The following PNKD variants were observed in gnomAD, a reference collection of about 807,000 sequenced individuals.
PNKD encodes the protein PNKD metallo-beta-lactamase domain containing.
A neutral mutation model predicts 45.3 loss-of-function variants in PNKD; 36 were observed. The observed-to-expected ratio is 0.80, with a 90% confidence interval of 0.61 to 1.05. PNKD has a LOEUF of 1.05. PNKD is among the 50% of genes least tolerant of loss of function. The pLI is 0.00. For synonymous variants in PNKD, 197 were observed against 210.1 expected (o/e 0.94, Z 0.54); for missense variants, 511 against 506.6 (o/e 1.01, Z -0.08).
rs397972881 is a variant in PNKD, at chr2:218,316,268, C to CTTTTTT, written c.237-23501_237-23496dup. ...CAAGGGAAGATTTTTTTCTTTCTTT[C>CTTTTTT]TTTTTTTTTTTTTTTTTTTGAGACA... is the stretch of plus-strand genomic sequence containing the variant. On this transcript the variant is annotated intron_variant, in intron 2 of 9. Coordinates refer to ENST00000273077, the MANE Select transcript of PNKD (RefSeq NM_015488.5). 1.1e-3 allele frequency among the ~76,000 whole-genome samples: 126 copies of CTTTTTT among 119,564 alleles called. 1 individual carries two copies. Among genetic ancestry groups the CTTTTTT allele is most frequent in the African/African-American group, 2.5e-3 (77 of 30,848 alleles). 78.4% of individuals were successfully genotyped at this position (119,564 alleles called of 152,430 possible).
At chr2:218,322,272 T>C (rs555574140) in intron 2 of PNKD, among the ~76,000 whole-genome samples, 94 of 152,332 alleles carry the variant, frequency 6.2e-4, no homozygotes, top group South Asian at 1.9e-3. Context: ...GGGCCAGAGC[T>C]AGGGCTGGAG....
At position 218,271,527 on chromosome 2, in the gene PNKD, A is replaced by G; in HGVS notation, c.214A>G (p.Met72Val). 6.2e-7 allele frequency: 1 copy of G among 1,614,176 alleles called. No individual in the cohort carries two copies. The highest frequency in any genetic ancestry group is 1.7e-5 in the Admixed American group (1 of 60,024). ...YIPRKRGKNP[M>V]KAVGLAWYSL... The stretch of plus-strand genomic sequence containing the variant: ...TCCCAGAAAGAGGGGCAAGAACCCC[A>G]TGAAAGCTGTGGGACTGGCCTGGTG... The change falls in exon 2 of 10, where the codon ATG (methionine) becomes GTG (valine). Residue 72 changes from methionine to valine, a missense_variant. By Grantham distance (21) the Met-to-Val change is conservative. Coordinates refer to ENST00000273077, the MANE Select transcript of PNKD (RefSeq NM_015488.5).
At chr2:218,273,048 A>G (rs193113673) in intron 2 of PNKD, 36 of 849,094 alleles carry the variant, frequency 4.2e-5, no homozygotes, top group Middle Eastern at 8.5e-4. Flanking sequence ...TCCCAGCTGG[A>G]TGGTGGGGCA....
chr2:218,273,926 CTTT>C (rs1690976154), intron 2 of PNKD, among the ~76,000 whole-genome samples: 1 of 152,178 alleles, frequency 6.6e-6, no homozygotes, highest in Non-Finnish European at 1.5e-5. Context: ...CTCTCATGAG[CTTT>C]TGGAAAGGGT....
intron 2 of PNKD, among the ~76,000 whole-genome samples, chr2:218,292,913 C>A (rs538559819): frequency 4.2e-4 from 64 of 152,226 alleles, no homozygotes; most frequent in African/African-American, 1.4e-3. Flanking sequence ...GAACATTTTT[C>A]TTCTCACTAA....
At chr2:218,307,707 G>T (rs530028976) in intron 2 of PNKD, among the ~76,000 whole-genome samples, 1 of 152,252 alleles carries the variant, frequency 6.6e-6, no homozygotes, top group Admixed American at 6.5e-5. Flanking sequence ...TCCAAGGGAG[G>T]CTCTTGTGGA....
At chr2:218,325,198 C>CTTTTTTTTTTTTTTTTTTTT (rs746439948) in intron 2 of PNKD, among the ~76,000 whole-genome samples, 7 of 39,764 alleles carry the variant, frequency 1.8e-4, no homozygotes, top group African/African-American at 7.3e-4. Flanking sequence ...CGCACCCGGC[C>CTTTTTTTTTTTTTTTTTTTT]TTTTTTTTTT....
Position 218,340,051 on chromosome 2 carries a change from T to C in PNKD, c.375T>C (p.Pro125=), listed in dbSNP as rs940846331. 9 of 1,613,058 alleles carry C rather than the reference T, an allele frequency of 5.6e-6. No individual in the cohort carries two copies. Among genetic ancestry groups the C allele is most frequent in the African/African-American group, 2.7e-5 (2 of 75,020 alleles). The part of the protein sequence containing the change: ...LFNGVKVLPI[P]VLSDNYSYLI... ...CAGGAGTGAAGGTGCTTCCCATCCCTGTCCTCTCGGACAACTACAGCTACC... is the reference window on the plus strand; with the variant it reads ...CAGGAGTGAAGGTGCTTCCCATCCCCGTCCTCTCGGACAACTACAGCTACC... The change falls in exon 4 of 10, where the codon CCT becomes CCC. Residue 125 remains proline (P), a synonymous_variant. Coordinates refer to ENST00000273077, the MANE Select transcript of PNKD (RefSeq NM_015488.5). This position sits in a 1 kb window ranked among gnomAD's most constrained non-coding sequence, Gnocchi z 4.2.
intron 7 of PNKD, 25 bp downstream of exon 7, chr2:218,342,169 A>ATT (rs1694699888): frequency 6.2e-7 from 1 of 1,604,856 alleles, no homozygotes; most frequent in African/African-American, 1.3e-5. Context: ...AAGAGAGAGG[A>ATT]GCTGGGAGAG....
intron 2 of PNKD, among the ~76,000 whole-genome samples, chr2:218,322,711 C>T (rs1478795324): frequency 6.6e-6 from 1 of 152,226 alleles, no homozygotes; most frequent in Non-Finnish European, 1.5e-5. Context: ...TGTTTGCTCG[C>T]TTATTTGGTT....
At chr2:218,278,020 G>A in intron 2 of PNKD, 1 of 1,607,098 alleles carries the variant, frequency 6.2e-7, no homozygotes, top group East Asian at 2.2e-5. Flanking sequence ...GGGCCCCTCA[G>A]GCGTCAGAGG....
chr2:218,323,294 G>A (rs766115175), intron 2 of PNKD: 7 of 1,552,572 alleles, frequency 4.5e-6, no homozygotes, highest in South Asian at 2.4e-5. Context: ...GGCCCGCGGC[G>A]TGGCAGTGGG....
intron 7 of PNKD, among the ~76,000 whole-genome samples, chr2:218,343,237 T>C (rs991885172): frequency 1.3e-5 from 2 of 152,220 alleles, no homozygotes; most frequent in African/African-American, 4.8e-5. Context: ...GCCTGGGGCC[T>C]GCAGCCCGAA....
At chr2:218,276,221 G>A (rs931590781) in intron 2 of PNKD, 2 of 838,150 alleles carry the variant, frequency 2.4e-6, no homozygotes, top group Non-Finnish European at 3.8e-6. Context: ...TGCCTTTCCA[G>A]ATCTTGGAGG....
chr2:218,325,680 T>G (rs1694131139), intron 2 of PNKD, among the ~76,000 whole-genome samples: 1 of 152,194 alleles, frequency 6.6e-6, no homozygotes, highest in South Asian at 2.1e-4. Context: ...GGAACTGGAA[T>G]CAGAATTCCT....
At chr2:218,304,678 C>T (rs1693362970) in intron 2 of PNKD, among the ~76,000 whole-genome samples, 1 of 152,230 alleles carries the variant, frequency 6.6e-6, no homozygotes, top group African/African-American at 2.4e-5. Context: ...GTGGAAAGAG[C>T]ATGGAATTGG....
Position 218,344,467 on chromosome 2 carries a change from C to G in PNKD, c.881C>G (p.Ala294Gly). The change falls in exon 9 of 10, where the codon GCA becomes GGA. Residue 294 changes from alanine to glycine, a missense_variant. Physicochemically the swap from Ala to Gly is moderately conservative, Grantham distance 60. Transcript: ENST00000273077. Reference sequence around the variant, plus strand: ...TGGCTGTCGGTAGGTCATGAGTATGCAGAGGAGAACCTGGGCTTTGCAGGT... The same window carrying G: ...TGGCTGTCGGTAGGTCATGAGTATGGAGAGGAGAACCTGGGCTTTGCAGGT... Reference protein sequence around the residue: ...DTLLWPGHEYAEENLGFAGVV... With the variant: ...DTLLWPGHEYGEENLGFAGVV... The G allele has an allele frequency of 6.3e-7, 1 of 1,579,044 alleles. No homozygotes were observed. The highest frequency in any genetic ancestry group is 8.6e-7 in the Non-Finnish European group (1 of 1,161,780).
At chr2:218,333,748 A>G (rs1559529115) in intron 2 of PNKD, among the ~76,000 whole-genome samples, 1 of 152,206 alleles carries the variant, frequency 6.6e-6, no homozygotes, top group East Asian at 1.9e-4. Flanking sequence ...GAAGACAGGA[A>G]TGGGACTCAG....
intron 2 of PNKD, chr2:218,275,509 G>T (rs777629876): frequency 1.2e-6 from 2 of 1,614,138 alleles, no homozygotes; most frequent in South Asian, 2.2e-5. Context: ...CAGCACAAAG[G>T]TGAAGATGTA....
Sources: gnomAD v4.1 joint callset for allele counts (sites outside exome capture counted in the v4.1 genomes callset) on GRCh38, gnomAD v4.1.1 for gene constraint, Gnocchi (gnomAD v3.1) non-coding constraint, MANE v1.5 for transcripts, NCBI Gene and HGNC (gene_info 2026-07-23, HGNC 2026-07-21) for gene names.